The following UBL3 variants were observed in gnomAD, a reference collection of about 807,000 sequenced individuals.
The protein encoded by UBL3 is ubiquitin-like protein 3.
A neutral mutation model predicts 18.4 loss-of-function variants in UBL3; 6 were observed. The observed-to-expected ratio is 0.33, with a 90% CI of 0.18 to 0.64. UBL3 has a LOEUF of 0.64. Ranked by LOEUF, UBL3 falls within the 30% of genes least tolerant of loss-of-function variation. UBL3 has a pLI of 0.76. For synonymous variants in UBL3, 49 were observed against 46.6 expected (o/e 1.05, Z -0.21); for missense variants, 109 against 142.9 (o/e 0.76, Z 1.21).
In UBL3 at chr13:29,849,729, C is replaced by A; in HGVS notation, c.-191G>T. The A allele has an allele frequency of 1.4e-6, 1 of 699,302 alleles. No individual in the cohort carries two copies. Among genetic ancestry groups the A allele is most frequent in the African/African-American group, 1.8e-5 (1 of 55,952 alleles). 43.3% of individuals were successfully genotyped at this position (699,302 alleles called of 1,614,324 possible). On this transcript the variant is annotated 5_prime_UTR_variant, in exon 1 of 5. Transcript: ENST00000380680. ...GTTCTGGTTCGAAGAGGAACAATCC[C>A]CAGGAGCTGTGTGGCCGGAGCAGGA... is the stretch of plus-strand genomic sequence containing the variant.
Position 29,766,059 on chromosome 13 carries a change from A to G in UBL3, c.*1196T>C, listed in dbSNP as rs1370510938. On this transcript the variant is annotated 3_prime_UTR_variant, in exon 5 of 5. Coordinates refer to ENST00000380680, the MANE Select transcript of UBL3 (RefSeq NM_007106.4). ...ATATTTGTAATTTCATCCAGGAAGA[A>G]TTTCTTCCCAGTGAAAAAATATAAA... 3 of 152,590 alleles carry G rather than the reference A, an allele frequency of 2.0e-5. No individual in the cohort carries two copies. Among genetic ancestry groups the G allele is most frequent in the Non-Finnish European group, 4.4e-5 (3 of 68,008 alleles). The allele number at this position is 152,590 out of a possible 1,614,324, so 9.5% of individuals were successfully genotyped here.
chr13:29,772,215 G>A lies in UBL3; in HGVS notation c.137-17C>T. On this transcript the variant is annotated splice_polypyrimidine_tract_variant and intron_variant, in intron 2 of 4. Transcript: ENST00000380680. ...CTTCCCAGTCTGAAAAGAATCCAGT[G>A]TACTGGTTAGGTATATTCCAACATA... 6.3e-7 allele frequency: 1 copy of A among 1,596,204 alleles called. No homozygotes were observed. Among genetic ancestry groups the A allele is most frequent in the Non-Finnish European group, 8.6e-7 (1 of 1,165,962 alleles).
intron 1 of UBL3, among the ~76,000 whole-genome samples, chr13:29,842,542 C>T (rs1358333377): frequency 6.6e-6 from 1 of 152,112 alleles, no homozygotes; most frequent in African/African-American, 2.4e-5. Context: ...CTTGTTTCAC[C>T]ACAGATGCAT....
chr13:29,799,000 A>C (rs1877687816), intron 1 of UBL3, among the ~76,000 whole-genome samples: 1 of 152,238 alleles, frequency 6.6e-6, no homozygotes, highest in East Asian at 1.9e-4. Context: ...GCCAAAGGTA[A>C]GTGGGAAACT....
At chr13:29,822,976 G>A (rs898585270) in intron 1 of UBL3, among the ~76,000 whole-genome samples, 3 of 151,870 alleles carry the variant, frequency 2.0e-5, no homozygotes, top group African/African-American at 7.3e-5. Flanking sequence ...AGCGTAGAGA[G>A]AAAAAACATG....
chr13:29,811,390 T>C (rs1373116036), intron 1 of UBL3, among the ~76,000 whole-genome samples: 1 of 152,130 alleles, frequency 6.6e-6, no homozygotes, highest in Non-Finnish European at 1.5e-5. Flanking sequence ...AATGAAGCAA[T>C]GTTTAACACA....
chr13:29,801,716 C>G (rs1376071513), intron 1 of UBL3, among the ~76,000 whole-genome samples: 2 of 152,176 alleles, frequency 1.3e-5, no homozygotes, highest in Non-Finnish European at 2.9e-5. Flanking sequence ...CAAGTCATAG[C>G]CACCCTAAGA....
At chr13:29,842,668 T>C (rs1322837259) in intron 1 of UBL3, among the ~76,000 whole-genome samples, 1 of 152,222 alleles carries the variant, frequency 6.6e-6, no homozygotes, top group Non-Finnish European at 1.5e-5. Flanking sequence ...ATGCCAAGCA[T>C]CTGCCTGGTA....
chr13:29,780,302 C>T (rs370412397), intron 1 of UBL3, among the ~76,000 whole-genome samples: 1 of 133,860 alleles, frequency 7.5e-6, no homozygotes, highest in Non-Finnish European at 1.5e-5. Context: ...TGCAGTGAGC[C>T]AAGATTGTGC....
At position 29,764,943 on chromosome 13, in the gene UBL3, A is replaced by C. The variant is rs1565986526; in HGVS notation, c.*2312T>G. On this transcript the variant is annotated 3_prime_UTR_variant, in exon 5 of 5. Transcript: ENST00000380680. ...CACGTATATACTATTAAGGCATCTA[A>C]ATTTTTGGTGTTTTCAGTATATAAT... The C allele has an allele frequency of 2.0e-5, 3 of 152,116 alleles. No homozygotes were observed. The highest frequency in any genetic ancestry group is 4.4e-5 in the Non-Finnish European group (3 of 67,998). The allele number at this position is 152,116 out of a possible 1,614,324, so 9.4% of individuals were successfully genotyped here.
At chr13:29,807,117 T>C (rs2139337718) in intron 1 of UBL3, among the ~76,000 whole-genome samples, 1 of 152,332 alleles carries the variant, frequency 6.6e-6, no homozygotes, top group East Asian at 1.9e-4. Context: ...CATATTTTCT[T>C]TCCTTTTCCA....
chr13:29,830,120 G>A (rs1267658868), intron 1 of UBL3, among the ~76,000 whole-genome samples: 2 of 152,114 alleles, frequency 1.3e-5, no homozygotes, highest in Non-Finnish European at 2.9e-5. Context: ...ACAAAAAAAG[G>A]GTTTTACAGT....
At chr13:29,775,983 G>C (rs1876976988) in intron 2 of UBL3, among the ~76,000 whole-genome samples, 1 of 152,012 alleles carries the variant, frequency 6.6e-6, no homozygotes, top group African/African-American at 2.4e-5. Context: ...TTCCAAGATT[G>C]TTATGGTTAC....
intron 1 of UBL3, among the ~76,000 whole-genome samples, chr13:29,823,500 G>A (rs907305586): frequency 3.3e-5 from 5 of 152,170 alleles, no homozygotes; most frequent in African/African-American, 1.2e-4. Context: ...GCCAAGAAAG[G>A]ACAAATTGGG....
intron 1 of UBL3, among the ~76,000 whole-genome samples, chr13:29,783,653 C>G (rs1877235789): frequency 6.6e-6 from 1 of 152,156 alleles, no homozygotes. Context: ...ATGACAATTT[C>G]TATAAATGTG....
intron 1 of UBL3, among the ~76,000 whole-genome samples, chr13:29,826,530 GA>G (rs1878623139): frequency 6.6e-6 from 1 of 152,138 alleles, no homozygotes; most frequent in South Asian, 2.1e-4. Context: ...ATTTCTGTGG[GA>G]TCAGTGGTGA....
At chr13:29,787,499 C>T (rs553124960) in intron 1 of UBL3, among the ~76,000 whole-genome samples, 3 of 152,072 alleles carry the variant, frequency 2.0e-5, no homozygotes, top group Non-Finnish European at 4.4e-5. Context: ...GTTAAAATTA[C>T]TTTTTTTGCA....
intron 1 of UBL3, among the ~76,000 whole-genome samples, chr13:29,801,991 G>A (rs757014650): frequency 1.3e-5 from 2 of 152,216 alleles, no homozygotes; most frequent in Non-Finnish European, 2.9e-5. Flanking sequence ...GCAGCAGTGT[G>A]CAGCCTGGGA....
Position 29,849,561 on chromosome 13 carries a change from G to GA in UBL3, c.-24dup, listed in dbSNP as rs1879315859. The GA allele has an allele frequency of 6.2e-7, 1 of 1,613,442 alleles. No homozygotes were observed. The highest frequency in any genetic ancestry group is 1.3e-5 in the African/African-American group (1 of 75,010). ...CATCTTGCCGTTTGATATACACCCA[G>GA]ATGTTTACGAAAAAAACAAACAAAG... On this transcript the variant is annotated 5_prime_UTR_variant, in exon 1 of 5. Transcript: ENST00000380680.
Sources: gnomAD v4.1 joint callset for allele counts (sites outside exome capture counted in the v4.1 genomes callset) on GRCh38, gnomAD v4.1.1 for gene constraint, MANE v1.5 for transcripts, NCBI Gene and HGNC (gene_info 2026-07-23, HGNC 2026-07-21) for gene names.